SERINC5: variants seen among roughly 807,000 people sequenced by gnomAD.
SERINC5 encodes serine incorporator 5.
Under a neutral mutation model 63.1 loss-of-function variants are expected in SERINC5, and 41 were observed. The ratio of observed to expected loss-of-function variants is 0.65; its 90% CI spans 0.51 to 0.84. The LOEUF (loss-of-function observed/expected upper bound fraction) is 0.84. SERINC5 is among the 40% of genes least tolerant of loss of function. The pLI is 0.00. For missense variants in SERINC5, 523 were observed against 573.0 expected, an observed-to-expected ratio of 0.91 and a Z score of 0.89; for synonymous variants, 222 against 215.2, an observed-to-expected ratio of 1.03 and a Z score of -0.28.
chr5:80,150,811 A>C, intron 9 of SERINC5, 71 bp downstream of exon 9: 3 of 1,071,768 alleles, frequency 2.8e-6, no homozygotes, highest in Non-Finnish European at 4.4e-6. Flanking sequence ...ATAAAGACAC[A>C]AACACAAAAG....
chr5:80,132,047 C>T (rs1744967322), intron 11 of SERINC5, among the ~76,000 whole-genome samples: 1 of 152,130 alleles, frequency 6.6e-6, no homozygotes, highest in African/African-American at 2.4e-5. Context: ...GCATTTCTGC[C>T]AGCCCCTAGC....
intron 11 of SERINC5, among the ~76,000 whole-genome samples, chr5:80,131,542 G>A (rs1449270423): frequency 1.3e-5 from 2 of 150,780 alleles, no homozygotes; most frequent in Admixed American, 1.3e-4. Flanking sequence ...GGGGAAGGAG[G>A]AGCATACCTC....
rs1745881018 is a variant in SERINC5 at position 80,147,228 on chromosome 5, A to C, written c.1093+17T>G. The C allele has an allele frequency of 6.3e-7, 1 of 1,591,472 alleles. No homozygotes were observed. Among genetic ancestry groups the C allele is most frequent in the Non-Finnish European group, 8.6e-7 (1 of 1,169,160 alleles). On this transcript the variant is annotated intron_variant, in intron 10 of 11. Coordinates refer to ENST00000507668, the MANE Select transcript of SERINC5 (RefSeq NM_001174072.3). ...GCAGTGCCACACAGGTGCAAAGAAT[A>C]AAAGCGCTCTGCTTACCCTCTCCAC...
chr5:80,173,223 AAAG>A (rs1299752831), intron 5 of SERINC5, among the ~76,000 whole-genome samples: 2 of 131,906 alleles, frequency 1.5e-5, no homozygotes, highest in African/African-American at 2.9e-5. Context: ...GGCAGGAAGG[AAAG>A]AAGGAAGGAA....
At chr5:80,111,536 T>C (rs1744107848), downstream of SERINC5, 2 of 152,214 alleles carry the variant, frequency 1.3e-5, no homozygotes, top group African/African-American at 4.8e-5. Flanking sequence ...GACAAATTCC[T>C]GGGAACTGCG....
intron 1 of SERINC5, among the ~76,000 whole-genome samples, chr5:80,246,698 CAG>C (rs1491062928): frequency 6.6e-6 from 1 of 152,204 alleles, no homozygotes; most frequent in Non-Finnish European, 1.5e-5. Context: ...AAAATTCAAA[CAG>C]ATGTTCTGTG....
At chr5:80,122,209 AT>A (rs1744571450) in intron 11 of SERINC5, among the ~76,000 whole-genome samples, 8 of 147,016 alleles carry the variant, frequency 5.4e-5, no homozygotes, top group Non-Finnish European at 1.5e-5. Context: ...ATATATATAT[AT>A]ATAATATGAG....
intron 4 of SERINC5, among the ~76,000 whole-genome samples, chr5:80,176,002 A>C (rs374037797): frequency 1.3e-5 from 2 of 152,062 alleles, no homozygotes; most frequent in South Asian, 4.1e-4. Flanking sequence ...AATATGGTGA[A>C]ACCCCGTCTC....
intron 1 of SERINC5, among the ~76,000 whole-genome samples, chr5:80,216,175 G>GAC (rs1277192073): frequency 7.2e-5 from 11 of 152,112 alleles, no homozygotes; most frequent in African/African-American, 2.7e-4. Context: ...TCTATCACTC[G>GAC]ACACTATTGA....
chr5:80,184,746 G>A (rs930949749), intron 2 of SERINC5, among the ~76,000 whole-genome samples: 1 of 151,938 alleles, frequency 6.6e-6, no homozygotes, highest in Non-Finnish European at 1.5e-5. Context: ...CCCATTTTTG[G>A]AAAAAGAAAA....
chr5:80,233,069 G>A (rs888176312), intron 1 of SERINC5, among the ~76,000 whole-genome samples: 5 of 152,188 alleles, frequency 3.3e-5, no homozygotes, highest in Non-Finnish European at 5.9e-5. Context: ...TAAAACCACT[G>A]AATTGCACAC....
chr5:80,134,041 G>A (rs1472791947), downstream of SERINC5, among the ~76,000 whole-genome samples: 1 of 152,166 alleles, frequency 6.6e-6, no homozygotes, highest in Non-Finnish European at 1.5e-5. Context: ...AATTTGGAGG[G>A]GTTTAGAATC....
At chr5:80,175,333 G>T (rs531898989) in intron 4 of SERINC5, among the ~76,000 whole-genome samples, 1 of 152,164 alleles carries the variant, frequency 6.6e-6, no homozygotes, top group Non-Finnish European at 1.5e-5. Flanking sequence ...CACTACATCT[G>T]CCAGGTACCC....
At chr5:80,241,088 G>A (rs780242522) in intron 1 of SERINC5, among the ~76,000 whole-genome samples, 6 of 152,082 alleles carry the variant, frequency 3.9e-5, no homozygotes, top group Non-Finnish European at 5.9e-5. Flanking sequence ...CCTACCTAGC[G>A]ATTGGTTTCC....
intron 2 of SERINC5, among the ~76,000 whole-genome samples, chr5:80,179,626 C>G (rs1748288511): frequency 1.3e-5 from 2 of 152,186 alleles, no homozygotes; most frequent in South Asian, 4.1e-4. Context: ...TGTCCCTTAT[C>G]CAAAATGCTT....
intron 11 of SERINC5, among the ~76,000 whole-genome samples, chr5:80,145,646 A>G (rs1316923095): frequency 6.6e-6 from 1 of 152,152 alleles, no homozygotes; most frequent in Non-Finnish European, 1.5e-5. Context: ...TGTTTTCCAG[A>G]CTGTCCATAT....
At chr5:80,238,944 G>A (rs188341227) in intron 1 of SERINC5, among the ~76,000 whole-genome samples, 5 of 152,122 alleles carry the variant, frequency 3.3e-5, no homozygotes, top group African/African-American at 9.7e-5. Flanking sequence ...TCACGCTCTC[G>A]TCATTTACCA....
chr5:80,171,780 C>T lies in SERINC5; in HGVS notation c.552-2234G>A, dbSNP rs529101707. ...GCTAATTAGCCAGCTTCTTGGGAGG[C>T]AGAGGCAGGAGGATTTCTTGAGCCT... On this transcript the variant is annotated intron_variant, in intron 5 of 11. Transcript: ENST00000507668. Among the ~76,000 whole-genome samples, 12 of 151,976 alleles carry T rather than the reference C, an allele frequency of 7.9e-5. 2 individuals carry two copies. The highest frequency in any genetic ancestry group is 2.9e-4 in the African/African-American group (12 of 41,438).
chr5:80,235,741 C>A (rs1751657711), intron 1 of SERINC5, among the ~76,000 whole-genome samples: 1 of 152,138 alleles, frequency 6.6e-6, no homozygotes, highest in South Asian at 2.1e-4. Context: ...GGATTACAGG[C>A]ATGAGCCACC....
Sources: allele counts gnomAD v4.1 joint callset (sites outside exome capture counted in the v4.1 genomes callset), GRCh38; gene constraint gnomAD v4.1.1; transcripts MANE v1.5; gene names NCBI Gene and HGNC (gene_info 2026-07-23, HGNC 2026-07-21).